The following UBE2K variants were observed in gnomAD, a reference collection of about 807,000 sequenced individuals.
The protein encoded by UBE2K is ubiquitin-conjugating enzyme E2 K.
A neutral mutation model predicts 30.0 loss-of-function variants in UBE2K; 6 were observed. The observed-to-expected ratio is 0.20, with a 90% CI of 0.11 to 0.39. UBE2K has a LOEUF of 0.39. UBE2K is among the 10% of genes least tolerant of loss of function. UBE2K has a pLI of 1.00. For synonymous variants in UBE2K, 86 were observed against 83.7 expected (o/e 1.03, Z -0.15); for missense variants, 61 against 241.6 (o/e 0.25, Z 4.96).
At chr4:39,735,186 A>G (rs1168659200) in intron 1 of UBE2K, among the ~76,000 whole-genome samples, 2 of 152,222 alleles carry the variant, frequency 1.3e-5, no homozygotes, top group Admixed American at 6.5e-5. Flanking sequence ...CATTATGCAT[A>G]GATACTAGAC....
intron 5 of UBE2K, among the ~76,000 whole-genome samples, chr4:39,775,876 A>G (rs981589503): frequency 6.6e-6 from 1 of 151,596 alleles, no homozygotes; most frequent in African/African-American, 2.4e-5. Flanking sequence ...TCCTCACTTC[A>G]TAGCTGTTCT....
chr4:39,773,915 C>T (rs985380475), intron 4 of UBE2K, among the ~76,000 whole-genome samples: 10 of 151,246 alleles, frequency 6.6e-5, no homozygotes, highest in Non-Finnish European at 1.5e-4. Context: ...AGTGAGACTC[C>T]GCCTCAAAAC....
chr4:39,714,538 A>AT (rs1330301395), intron 1 of UBE2K: 4 of 22,206 alleles, frequency 1.8e-4, no homozygotes, highest in African/African-American at 7.1e-4. Flanking sequence ...ATATATATAT[A>AT]TATATATATA....
intron 2 of UBE2K, among the ~76,000 whole-genome samples, chr4:39,745,141 C>T (rs1255542275): frequency 6.6e-6 from 1 of 152,144 alleles, no homozygotes. Flanking sequence ...GTTGGGATTA[C>T]AAGGCATTAG....
At chr4:39,772,498 C>T (rs546762113) in intron 4 of UBE2K, among the ~76,000 whole-genome samples, 1 of 151,564 alleles carries the variant, frequency 6.6e-6, no homozygotes, top group African/African-American at 2.4e-5. Context: ...TCACCTGAGC[C>T]AAAGAGGTCA....
chr4:39,710,854 A>G (rs1462652999), intron 1 of UBE2K, among the ~76,000 whole-genome samples: 1 of 152,046 alleles, frequency 6.6e-6, no homozygotes, highest in Non-Finnish European at 1.5e-5. Flanking sequence ...GAACATCTTT[A>G]TATCTGTGGT....
intron 1 of UBE2K, among the ~76,000 whole-genome samples, chr4:39,733,332 A>T (rs1578451384): frequency 6.2e-5 from 8 of 128,992 alleles, no homozygotes; most frequent in East Asian, 2.2e-4. Flanking sequence ...TCGGGCTTTA[A>T]TTTTTTTTTT....
At chr4:39,760,926 A>G (rs80229019) in intron 4 of UBE2K, 15,757 of 152,270 alleles carry the variant, frequency 0.1, 1,093 homozygotes, top group East Asian at 0.22. Context: ...ACATGGATAT[A>G]TACAGATATA....
chr4:39,727,129 A>G (rs12641379), intron 1 of UBE2K, among the ~76,000 whole-genome samples: 19,677 of 152,156 alleles, frequency 0.13, 1,374 homozygotes, highest in East Asian at 0.22. Flanking sequence ...TTACAGTTAC[A>G]TTATTCTTCT....
chr4:39,770,544 G>A (rs1199070512), intron 4 of UBE2K: 10 of 1,594,530 alleles, frequency 6.3e-6, no homozygotes, highest in South Asian at 3.3e-5. Context: ...AACCATGGCC[G>A]CCGCTGCTGC....
intron 4 of UBE2K, chr4:39,770,147 G>C: frequency 6.2e-7 from 1 of 1,602,720 alleles, no homozygotes. Context: ...TGGTCTTGCC[G>C]TGTTGCTCCT....
chr4:39,701,873 G>A lies in UBE2K; in HGVS notation c.63+3483G>A, dbSNP rs180953302. Among the ~76,000 whole-genome samples the A allele has an allele frequency of 3.1e-4, 47 of 151,640 alleles. No homozygotes were observed. In the East Asian group the frequency reaches 8.3e-3, roughly 27 times the overall value. On this transcript the variant is annotated intron_variant, in intron 1 of 6. Transcript: ENST00000261427. Reference sequence around the variant, plus strand: ...CCTCCCAGGTTCTAGAGATTCTGCCGCCTTAGCCTCCTGAGTAGCTGGGAT... The same window carrying A: ...CCTCCCAGGTTCTAGAGATTCTGCCACCTTAGCCTCCTGAGTAGCTGGGAT...
At chr4:39,721,963 G>A (rs1393798724) in intron 1 of UBE2K, among the ~76,000 whole-genome samples, 1 of 152,002 alleles carries the variant, frequency 6.6e-6, no homozygotes, top group Admixed American at 6.6e-5. Context: ...GTGGCATGTG[G>A]CTGTGGTCCC....
chr4:39,762,040 G>A (rs779765923), intron 4 of UBE2K, among the ~76,000 whole-genome samples: 3 of 151,778 alleles, frequency 2.0e-5, no homozygotes, highest in African/African-American at 4.8e-5. Flanking sequence ...TTAGCCGGGC[G>A]TAGTGGCATG....
At chr4:39,775,927 C>A (rs1039102894) in intron 5 of UBE2K, among the ~76,000 whole-genome samples, 6 of 152,008 alleles carry the variant, frequency 3.9e-5, no homozygotes, top group Non-Finnish European at 7.4e-5. Context: ...ACTCGTCTTT[C>A]TTAAATGTAG....
chr4:39,701,505 G>C (rs1474142501), intron 1 of UBE2K, among the ~76,000 whole-genome samples: 1 of 152,148 alleles, frequency 6.6e-6, no homozygotes, highest in Non-Finnish European at 1.5e-5. Context: ...AGAAAATAGA[G>C]ATTTAGAGAA....
intron 1 of UBE2K, among the ~76,000 whole-genome samples, chr4:39,732,783 C>T (rs191002): frequency 6.9e-6 from 1 of 145,728 alleles, no homozygotes; most frequent in Admixed American, 7.1e-5. Context: ...TCAAGCAATT[C>T]TCATGCCTCA....
At chr4:39,731,076 C>T (rs1298688689) in intron 1 of UBE2K, among the ~76,000 whole-genome samples, 1 of 152,066 alleles carries the variant, frequency 6.6e-6, no homozygotes, top group Non-Finnish European at 1.5e-5. Context: ...ACCTCTGCCT[C>T]CCGGGTTCAA....
At chr4:39,773,227 T>G (rs1713031564) in intron 4 of UBE2K, among the ~76,000 whole-genome samples, 1 of 151,722 alleles carries the variant, frequency 6.6e-6, no homozygotes, top group South Asian at 2.1e-4. Context: ...CCCAGCATTT[T>G]GGGAGGCCAA....
Sources: gnomAD v4.1 joint callset for allele counts (sites outside exome capture counted in the v4.1 genomes callset) on GRCh38, gnomAD v4.1.1 for gene constraint, MANE v1.5 for transcripts, NCBI Gene and HGNC (gene_info 2026-07-23, HGNC 2026-07-21) for gene names.